The following SPATA13 variants were observed in gnomAD, a reference collection of about 807,000 sequenced individuals.
The protein encoded by SPATA13 is spermatogenesis-associated protein 13.
SPATA13 carries 50 observed loss-of-function variants against 104.0 expected under a neutral mutation model. The ratio of observed to expected loss-of-function variants is 0.48; its 90% CI spans 0.38 to 0.61. SPATA13 has a LOEUF of 0.61. Ranked by LOEUF, SPATA13 falls within the 20% of genes least tolerant of loss-of-function variation. The pLI is 0.00. For missense variants in SPATA13, 1,524 were observed against 1,690.6 expected, an observed-to-expected ratio of 0.90 and a Z score of 1.73; for synonymous variants, 606 against 667.5, an observed-to-expected ratio of 0.91 and a Z score of 1.42.
intron 1 of SPATA13, among the ~76,000 whole-genome samples, chr13:24,197,412 A>G (rs1161909477): frequency 6.6e-6 from 1 of 152,214 alleles, no homozygotes; most frequent in Non-Finnish European, 1.5e-5. Flanking sequence ...TATGTGTCAG[A>G]AATTTATTTA....
At position 24,234,005 on chromosome 13, in the gene SPATA13, C is replaced by T. The variant is rs146816609; in HGVS notation, c.1653+9423C>T. On this transcript the variant is annotated intron_variant, in intron 2 of 12. Coordinates refer to ENST00000382108, the MANE Select transcript of SPATA13 (RefSeq NM_001166271.3). ...TGTAGTTTTGAACTTTCCAGTGGCT[C>T]ATTTCTAGAATAGTTTCTCTAGTGA... 1.2e-4 allele frequency among the ~76,000 whole-genome samples: 18 copies of T among 152,184 alleles called. 1 individual carries two copies. Among genetic ancestry groups the T allele is most frequent in the African/African-American group, 4.3e-4 (18 of 41,522 alleles).
intron 4 of SPATA13, among the ~76,000 whole-genome samples, chr13:24,261,314 G>A (rs1174582152): frequency 6.6e-6 from 1 of 152,212 alleles, no homozygotes; most frequent in African/African-American, 2.4e-5. Flanking sequence ...GGCTGACAAG[G>A]AGCCTAGGAG....
At chr13:24,095,701 A>G (rs1048113344) in intron 3 of SPATA13, among the ~76,000 whole-genome samples, 4 of 152,218 alleles carry the variant, frequency 2.6e-5, no homozygotes, top group Non-Finnish European at 5.9e-5. Context: ...AACTCAAAAC[A>G]GTGGACTTGC....
At chr13:24,267,407 A>G (rs538762067) in intron 4 of SPATA13, among the ~76,000 whole-genome samples, 1 of 152,300 alleles carries the variant, frequency 6.6e-6, no homozygotes, top group South Asian at 2.1e-4. Flanking sequence ...TCTCTAGTGA[A>G]TGCCTCTGGC....
chr13:24,167,897 G>A (rs998382329), intron 1 of SPATA13, among the ~76,000 whole-genome samples: 6 of 152,202 alleles, frequency 3.9e-5, no homozygotes, highest in African/African-American at 1.4e-4. Context: ...CATCGGCCCT[G>A]ACACTGAGCT....
chr13:24,038,865 A>G, intron 3 of SPATA13, among the ~76,000 whole-genome samples: 1 of 152,218 alleles, frequency 6.6e-6, no homozygotes, highest in South Asian at 2.1e-4. Flanking sequence ...AGGACTTTGC[A>G]TTCCACCAAT....
intron 3 of SPATA13, among the ~76,000 whole-genome samples, chr13:24,052,066 T>A (rs1319355299): frequency 4.4e-4 from 2 of 4,532 alleles, no homozygotes; most frequent in Non-Finnish European, 2.3e-3. Flanking sequence ...ACGCAGGGTT[T>A]GGCTTCTTAC....
At chr13:24,084,079 C>T (rs1879635460) in intron 3 of SPATA13, among the ~76,000 whole-genome samples, 1 of 151,176 alleles carries the variant, frequency 6.6e-6, no homozygotes, top group African/African-American at 2.5e-5. Context: ...TCCTTCTTCT[C>T]AGAAAGAGAA....
chr13:24,251,349 C>T, intron 3 of SPATA13: 1 of 550,564 alleles, frequency 1.8e-6, no homozygotes, highest in Non-Finnish European at 2.3e-6. Flanking sequence ...CCTCCAGAGG[C>T]CACCCCTGGG....
At chr13:24,178,086 T>C (rs11617559) in intron 1 of SPATA13, among the ~76,000 whole-genome samples, 74,888 of 151,838 alleles carry the variant, frequency 0.49, 20,395 homozygotes, top group Non-Finnish European at 0.61. Flanking sequence ...ACTCCTAGAT[T>C]CCAATGATCC....
At chr13:24,114,704 C>T (rs1880777343) in intron 3 of SPATA13, among the ~76,000 whole-genome samples, 1 of 151,906 alleles carries the variant, frequency 6.6e-6, no homozygotes, top group Admixed American at 6.6e-5. Context: ...CTCCTGTTGC[C>T]TAGGCTGGAG....
rs79711232 is a variant in SPATA13, at chr13:24,270,615, C to T, written c.2165-13520C>T. 6.5e-3 allele frequency: 5,085 copies of T among 781,614 alleles called. 270 individuals carry two copies. In the East Asian group the frequency reaches 0.11, roughly 17 times the overall value. The allele number at this position is 781,614 out of a possible 1,614,324, so 48.4% of individuals were successfully genotyped here. A position where few individuals can be genotyped will look rare whatever the true frequency, so the allele number is the denominator to read the frequency against. On this transcript the variant is annotated intron_variant, in intron 4 of 12. Transcript: ENST00000382108. The stretch of plus-strand genomic sequence containing the variant: ...ATAGGTTTTGCCTTAGTTTAGAATT[C>T]TCTCCTGAAGTCCCCCGCAATGTCA...
intron 11 of SPATA13, 42 bp from the exon 12 acceptor site, chr13:24,300,359 C>A: frequency 6.5e-7 from 1 of 1,538,212 alleles, no homozygotes; most frequent in Non-Finnish European, 8.9e-7. Flanking sequence ...TGAAACATGT[C>A]CACGTGTTCT....
intron 3 of SPATA13, among the ~76,000 whole-genome samples, chr13:24,055,143 C>T (rs1215873048): frequency 6.6e-6 from 1 of 152,222 alleles, no homozygotes; most frequent in Non-Finnish European, 1.5e-5. Flanking sequence ...AGCGATCAGC[C>T]TGCAATTCAT....
chr13:24,069,350 T>C (rs1020243572), intron 3 of SPATA13, among the ~76,000 whole-genome samples: 10 of 152,236 alleles, frequency 6.6e-5, no homozygotes, highest in African/African-American at 2.4e-4. Flanking sequence ...CCTGGTTAGC[T>C]GTATTTCTAG....
In SPATA13 at chr13:24,160,757, G is replaced by T; in HGVS notation, c.-287G>T. On this transcript the variant is annotated 5_prime_UTR_variant, in exon 1 of 13. Transcript: ENST00000382108. Reference sequence around the variant, plus strand: ...GCGGCGCGGGAGGAGAGTGTGCGTTGCGCTTTCTCCCGCGATCGCCCTGCC... The same window carrying T: ...GCGGCGCGGGAGGAGAGTGTGCGTTTCGCTTTCTCCCGCGATCGCCCTGCC... 3.0e-6 allele frequency: 3 copies of T among 985,508 alleles called. No homozygotes were observed. The highest frequency in any genetic ancestry group is 3.6e-6 in the Non-Finnish European group (3 of 830,012). 61.0% of individuals were successfully genotyped at this position (985,508 alleles called of 1,614,324 possible).
intron 3 of SPATA13, among the ~76,000 whole-genome samples, chr13:24,036,030 A>AAAAG (rs1188188229): frequency 4.6e-5 from 7 of 151,412 alleles, no homozygotes; most frequent in African/African-American, 1.2e-4. Flanking sequence ...AAAAAAAAAA[A>AAAAG]AAAGAAAGAA....
At chr13:24,056,178 T>C (rs2137748399) in intron 3 of SPATA13, among the ~76,000 whole-genome samples, 1 of 152,282 alleles carries the variant, frequency 6.6e-6, no homozygotes, top group Non-Finnish European at 1.5e-5. Context: ...AGTGAGTCAG[T>C]TTGTATCAAA....
At chr13:24,275,834 T>TAAGACTACCTAAGACTACC (rs1874943236) in intron 4 of SPATA13, among the ~76,000 whole-genome samples, 1 of 152,208 alleles carries the variant, frequency 6.6e-6, no homozygotes, top group Non-Finnish European at 1.5e-5. Context: ...CTCGGTAGTC[T>TAAGACTACCTAAGACTACC]TAGGCAGGAG....
Sources: allele counts gnomAD v4.1 joint callset (sites outside exome capture counted in the v4.1 genomes callset), GRCh38; gene constraint gnomAD v4.1.1; transcripts MANE v1.5; gene names NCBI Gene and HGNC (gene_info 2026-07-23, HGNC 2026-07-21).